The following PTPRD variants were observed in gnomAD, a reference collection of about 807,000 sequenced individuals.
PTPRD encodes receptor-type tyrosine-protein phosphatase delta.
A neutral mutation model predicts 214.5 loss-of-function variants in PTPRD; 34 were observed. The ratio of observed to expected loss-of-function variants is 0.16; its 90% CI spans 0.12 to 0.21. The LOEUF is 0.21. Ranked by LOEUF, PTPRD falls within the 10% of genes least tolerant of loss-of-function variation. The pLI is 1.00. For missense variants in PTPRD, 2,545 were observed against 2,398.7 expected (o/e 1.06, Z -1.27); for synonymous variants, 1,128 against 845.7 (o/e 1.33, Z -5.79).
intron 37 of PTPRD, among the ~76,000 whole-genome samples, chr9:8,385,688 T>A (rs1014692950): frequency 6.6e-6 from 1 of 152,172 alleles, no homozygotes; most frequent in Non-Finnish European, 1.5e-5. Flanking sequence ...TATCACTACA[T>A]GTAACCCATG....
At chr9:9,129,188 G>C (rs1159174668) in intron 10 of PTPRD, among the ~76,000 whole-genome samples, 1 of 152,152 alleles carries the variant, frequency 6.6e-6, no homozygotes, top group African/African-American at 2.4e-5. Context: ...TCAGGAGTTT[G>C]AGACCCACCT....
At chr9:8,318,529 T>C (rs1401350011) in intron 45 of PTPRD, among the ~76,000 whole-genome samples, 1 of 152,074 alleles carries the variant, frequency 6.6e-6, no homozygotes, top group Admixed American at 6.6e-5. Context: ...CTCACTTACA[T>C]ATGATGTTCA....
chr9:10,035,561 T>G (rs1023816788), intron 3 of PTPRD, among the ~76,000 whole-genome samples: 1 of 152,064 alleles, frequency 6.6e-6, no homozygotes, highest in Non-Finnish European at 1.5e-5. Flanking sequence ...TTTTTTATAG[T>G]TTTAGGTTTT....
At chr9:8,734,987 G>T (rs564574034) in intron 11 of PTPRD, among the ~76,000 whole-genome samples, 1 of 152,238 alleles carries the variant, frequency 6.6e-6, no homozygotes, top group South Asian at 2.1e-4. Context: ...TGAGTTTCCT[G>T]GTTTGGTTGG....
At chr9:9,468,583 T>C (rs895813230) in intron 8 of PTPRD, among the ~76,000 whole-genome samples, 1 of 152,118 alleles carries the variant, frequency 6.6e-6, no homozygotes, top group African/African-American at 2.4e-5. Context: ...TCAATGTCTT[T>C]ATTTCATAAA....
intron 10 of PTPRD, among the ~76,000 whole-genome samples, chr9:9,105,088 A>G (rs1016783997): frequency 5.3e-5 from 8 of 152,192 alleles, no homozygotes; most frequent in African/African-American, 1.9e-4. Flanking sequence ...CATTGTAGCA[A>G]TTTTCTGCAT....
chr9:9,640,267 G>C (rs998944192), intron 7 of PTPRD, among the ~76,000 whole-genome samples: 17 of 152,148 alleles, frequency 1.1e-4, no homozygotes, highest in African/African-American at 2.4e-4. Flanking sequence ...TGCTTGGAAT[G>C]CTTAAACAGT....
intron 2 of PTPRD, among the ~76,000 whole-genome samples, chr9:10,474,803 T>C (rs919139371): frequency 6.6e-6 from 1 of 151,936 alleles, no homozygotes; most frequent in Non-Finnish European, 1.5e-5. Flanking sequence ...CACAGTGCAA[T>C]CAAATTAGAA....
chr9:9,127,728 C>T (rs1315093749), intron 10 of PTPRD, among the ~76,000 whole-genome samples: 1 of 151,934 alleles, frequency 6.6e-6, no homozygotes, highest in African/African-American at 2.4e-5. Context: ...ATACATGTAT[C>T]AGTCTTTCAT....
At chr9:9,280,934 T>C (rs575263357) in intron 9 of PTPRD, among the ~76,000 whole-genome samples, 2 of 151,018 alleles carry the variant, frequency 1.3e-5, no homozygotes, top group African/African-American at 2.4e-5. Context: ...AATAGATCAA[T>C]GGAACAGAAA....
At chr9:10,510,786 C>T (rs1046592806) in intron 2 of PTPRD, among the ~76,000 whole-genome samples, 20 of 151,992 alleles carry the variant, frequency 1.3e-4, no homozygotes, top group African/African-American at 4.6e-4. Flanking sequence ...CCCTATTGTG[C>T]TACAAAACAC....
At chr9:10,214,206 T>C (rs72696977) in intron 3 of PTPRD, among the ~76,000 whole-genome samples, 20,201 of 152,122 alleles carry the variant, frequency 0.13, 1,391 homozygotes, top group Middle Eastern at 0.14. Context: ...TAGAAAAATA[T>C]GGAAATTCCC....
chr9:10,438,606 T>C (rs993865621), intron 2 of PTPRD, among the ~76,000 whole-genome samples: 25 of 151,806 alleles, frequency 1.6e-4, no homozygotes, highest in Non-Finnish European at 2.8e-4. Context: ...TTGTTTTTGT[T>C]TTTTAATGAG....
At chr9:10,445,573 TAGAAG>T (rs1278693645) in intron 2 of PTPRD, among the ~76,000 whole-genome samples, 2 of 151,932 alleles carry the variant, frequency 1.3e-5, no homozygotes, top group Non-Finnish European at 2.9e-5. Context: ...ACAAATTGGG[TAGAAG>T]AGAAAAGTTG....
In PTPRD at chr9:10,511,509, T is replaced by G. The variant is rs112145368; in HGVS notation, c.-600+100889A>C. 8.4e-3 allele frequency among the ~76,000 whole-genome samples: 1,276 copies of G among 151,756 alleles called. 22 individuals are homozygous for G. Among genetic ancestry groups the G allele is most frequent in the African/African-American group, 0.03 (1,226 of 41,342 alleles). The stretch of plus-strand genomic sequence containing the variant: ...ACTTCTGCCTCCTGGGTTCATGCAA[T>G]TACCCTGCCTCAGCCTCCTGAGTAG... On this transcript the variant is annotated intron_variant, in intron 2 of 45. Coordinates refer to ENST00000381196, the MANE Select transcript of PTPRD (RefSeq NM_002839.4).
At chr9:10,277,101 G>C (rs1411254584) in intron 3 of PTPRD, among the ~76,000 whole-genome samples, 2 of 152,118 alleles carry the variant, frequency 1.3e-5, no homozygotes, top group Admixed American at 1.3e-4. Context: ...TTATAGCCTA[G>C]TTATAGCTGA....
chr9:9,083,479 G>T (rs1034557736), intron 10 of PTPRD, among the ~76,000 whole-genome samples: 1 of 152,096 alleles, frequency 6.6e-6, no homozygotes, highest in Non-Finnish European at 1.5e-5. Context: ...ATACCATTCA[G>T]GACATAGGCA....
chr9:8,401,214 G>C (rs2092341836), intron 36 of PTPRD, among the ~76,000 whole-genome samples: 1 of 150,922 alleles, frequency 6.6e-6, no homozygotes, highest in South Asian at 2.1e-4. Context: ...GCCCAAGCTG[G>C]AGTGCAGTGG....
intron 2 of PTPRD, among the ~76,000 whole-genome samples, chr9:10,579,763 C>G (rs944542373): frequency 2.6e-5 from 4 of 152,148 alleles, no homozygotes; most frequent in African/African-American, 4.8e-5. Context: ...CAAGACCTCA[C>G]CAATATCTAA....
Sources: gnomAD v4.1 joint callset for allele counts (sites outside exome capture counted in the v4.1 genomes callset) on GRCh38, gnomAD v4.1.1 for gene constraint, MANE v1.5 for transcripts, NCBI Gene and HGNC (gene_info 2026-07-23, HGNC 2026-07-21) for gene names.